Variants in PACSIN1 observed in about 807,000 individuals in gnomAD.
PACSIN1 encodes protein kinase C and casein kinase substrate in neurons 1, also known as protein kinase C and casein kinase substrate in neurons protein 1.
A neutral mutation model predicts 59.5 loss-of-function variants in PACSIN1; 15 were observed. That is an observed-to-expected ratio of 0.25 (90% confidence interval 0.17 to 0.39). PACSIN1 has a LOEUF of 0.39. Ranked by LOEUF, PACSIN1 falls within the 10% of genes least tolerant of loss-of-function variation. The probability of loss-of-function intolerance (pLI) is 1.00; values close to 1 mark genes in which losing one functional copy is unlikely to be tolerated. For missense variants in PACSIN1, 420 were observed against 580.2 expected, an observed-to-expected ratio of 0.72 and a Z score of 2.84; for synonymous variants, 210 against 220.6, an observed-to-expected ratio of 0.95 and a Z score of 0.42.
rs567713332 is a variant in PACSIN1, at chr6:34,486,092, C to T, written c.-64+19822C>T. Among the ~76,000 whole-genome samples the T allele has an allele frequency of 1.5e-4, 23 of 152,048 alleles. No homozygotes were observed. The East Asian group carries it at 4.3e-3, about 28-fold the overall frequency. ...GAAAGATTCTCATGTGAGGGAAAAC[C>T]GATCATTCAGGAGAGGGGAGAGCAC... On this transcript the variant is annotated intron_variant, in intron 1 of 9. Coordinates refer to ENST00000244458, the MANE Select transcript of PACSIN1 (RefSeq NM_020804.5).
chr6:34,532,384 C>CT lies in PACSIN1; in HGVS notation c.1226-35dup. 7.2e-7 allele frequency: 1 copy of CT among 1,392,778 alleles called. No individual in the cohort carries two copies. Among genetic ancestry groups the CT allele is most frequent in the Non-Finnish European group, 1.0e-6 (1 of 1,002,396 alleles). 86.3% of individuals were successfully genotyped at this position (1,392,778 alleles called of 1,614,324 possible). A position where few individuals can be genotyped will look rare whatever the true frequency, so the allele number is the denominator to read the frequency against. ...GCCGGTGCGTTGAGGGAGGGGCAGC[C>CT]TTCTCTCTGAGCCCCTCCCTGTGTT... On this transcript the variant is annotated intron_variant, in intron 9 of 9. Transcript: ENST00000244458. This position sits in a 1 kb window ranked among gnomAD's most constrained non-coding sequence, Gnocchi z 5.2.
At chr6:34,513,127 G>C (rs1201783017) in intron 1 of PACSIN1, among the ~76,000 whole-genome samples, 1 of 152,194 alleles carries the variant, frequency 6.6e-6, no homozygotes, top group Non-Finnish European at 1.5e-5. Flanking sequence ...TAGGTGCCTA[G>C]TCAGTGTCTG....
In PACSIN1 at chr6:34,526,272, GCTCC is replaced by G. The variant is rs1561970116; in HGVS notation, c.-33_-30del. 2 of 1,598,412 alleles carry G rather than the reference GCTCC, an allele frequency of 1.3e-6. No individual in the cohort carries two copies. Among genetic ancestry groups the G allele is most frequent in the East Asian group, 2.2e-5 (1 of 44,790 alleles). On this transcript the variant is annotated 5_prime_UTR_variant, in exon 2 of 10. Transcript: ENST00000244458. ...TGAGCAGCCGAGCCTGCTAACCGCA[GCTCC>G]GCACTTGTCCATCCCCCTGCGGCTA...
chr6:34,506,468 G>A (rs1289490973), intron 1 of PACSIN1, among the ~76,000 whole-genome samples: 1 of 152,168 alleles, frequency 6.6e-6, no homozygotes, highest in Admixed American at 6.5e-5. Flanking sequence ...TCCTGCCTTG[G>A]TCTCCTAAAG....
At chr6:34,479,482 G>A (rs1275405075) in intron 1 of PACSIN1, among the ~76,000 whole-genome samples, 2 of 152,130 alleles carry the variant, frequency 1.3e-5, no homozygotes, top group African/African-American at 4.8e-5. Context: ...TCTTGCTCAG[G>A]CTGGAGTGCA....
intron 1 of PACSIN1, among the ~76,000 whole-genome samples, chr6:34,503,958 G>A (rs1223940044): frequency 6.6e-6 from 1 of 152,176 alleles, no homozygotes; most frequent in East Asian, 1.9e-4. Flanking sequence ...AGATTTGCCT[G>A]TCCTGGATTT....
intron 1 of PACSIN1, among the ~76,000 whole-genome samples, chr6:34,492,107 T>C (rs1487059425): frequency 1.3e-5 from 2 of 152,044 alleles, no homozygotes; most frequent in South Asian, 2.1e-4. Flanking sequence ...CTGCTCTCCA[T>C]AGTGGCTGAA....
chr6:34,471,596 G>A lies in PACSIN1; in HGVS notation c.-64+5326G>A, dbSNP rs577901358. Among the ~76,000 whole-genome samples, 428 of 152,316 alleles carry A rather than the reference G, an allele frequency of 2.8e-3. 4 individuals carry two copies. Among genetic ancestry groups the A allele is most frequent in the African/African-American group, 9.7e-3 (405 of 41,572 alleles). On this transcript the variant is annotated intron_variant, in intron 1 of 9. Coordinates refer to ENST00000244458, the MANE Select transcript of PACSIN1 (RefSeq NM_020804.5). ...ATCACTAAATAGGGGTAATCCATTTGAGAAATAAAAGTCCTCCTAAGAAAG... is the reference window on the plus strand; with the variant it reads ...ATCACTAAATAGGGGTAATCCATTTAAGAAATAAAAGTCCTCCTAAGAAAG...
At chr6:34,527,697 A>C (rs979542326) in intron 3 of PACSIN1, 167 of 391,422 alleles carry the variant, frequency 4.3e-4, no homozygotes, top group African/African-American at 2.4e-3. Flanking sequence ...AAAAAAAAAA[A>C]CACTTTTTAT....
chr6:34,493,637 C>T (rs1273505039), intron 1 of PACSIN1, among the ~76,000 whole-genome samples: 1 of 152,166 alleles, frequency 6.6e-6, no homozygotes, highest in African/African-American at 2.4e-5. Flanking sequence ...TGTTGTGAAC[C>T]CTGGTGGGGA....
Position 34,534,186 on chromosome 6 carries a change from C to G in PACSIN1, c.*1656C>G, listed in dbSNP as rs1467395451. On this transcript the variant is annotated 3_prime_UTR_variant, in exon 10 of 10. Coordinates refer to ENST00000244458, the MANE Select transcript of PACSIN1 (RefSeq NM_020804.5). ...TGCTCCTGCTGCTTCTCCCAACAGCCCACTGTTAGGAGGTAGTAGACCCCA... is the reference window on the plus strand; with the variant it reads ...TGCTCCTGCTGCTTCTCCCAACAGCGCACTGTTAGGAGGTAGTAGACCCCA... 1 of 152,662 alleles carries G rather than the reference C, an allele frequency of 6.6e-6. No individual in the cohort carries two copies. Among genetic ancestry groups the G allele is most frequent in the Admixed American group, 6.5e-5 (1 of 15,290 alleles). 9.5% of individuals were successfully genotyped at this position (152,662 alleles called of 1,614,324 possible). A position where few individuals can be genotyped will look rare whatever the true frequency, so the allele number is the denominator to read the frequency against.
chr6:34,529,297 C>T lies in PACSIN1; in HGVS notation c.457-100C>T, dbSNP rs548730291. On this transcript the variant is annotated intron_variant, in intron 4 of 9. Transcript: ENST00000244458. This position sits in a 1 kb window ranked among gnomAD's most constrained non-coding sequence, Gnocchi z 6.3. ...CTTCTGGCTCTTAAGAGTGTGGGCT[C>T]ACAGGTCCCAGGGAGTGGGCAGGGG... 2.0e-5 allele frequency: 26 copies of T among 1,317,704 alleles called. No individual in the cohort carries two copies. In the African/African-American group the frequency reaches 2.5e-4, roughly 13 times the overall value. 81.6% of individuals were successfully genotyped at this position (1,317,704 alleles called of 1,614,324 possible). A position where few individuals can be genotyped will look rare whatever the true frequency, so the allele number is the denominator to read the frequency against.
At chr6:34,493,781 C>T (rs139641698) in intron 1 of PACSIN1, among the ~76,000 whole-genome samples, 2 of 152,300 alleles carry the variant, frequency 1.3e-5, no homozygotes, top group East Asian at 1.9e-4. Flanking sequence ...ATTATCAGAT[C>T]GTAACATCCT....
chr6:34,486,591 C>T (rs899646812), intron 1 of PACSIN1, among the ~76,000 whole-genome samples: 5 of 152,162 alleles, frequency 3.3e-5, no homozygotes, highest in African/African-American at 1.2e-4. Context: ...AAAAAGGTGA[C>T]GTTGCCATCG....
Position 34,516,312 on chromosome 6 carries a change from C to T in PACSIN1, c.-63-9931C>T, listed in dbSNP as rs1312403107. Reference sequence around the variant, plus strand: ...TCTGCTCATTTCTGCAAACGTTAGACGCACATTCACAGAGTGCTGGACTCA... The same window carrying T: ...TCTGCTCATTTCTGCAAACGTTAGATGCACATTCACAGAGTGCTGGACTCA... On this transcript the variant is annotated intron_variant, in intron 1 of 9. Coordinates refer to ENST00000244458, the MANE Select transcript of PACSIN1 (RefSeq NM_020804.5). This position sits in a 1 kb window ranked among gnomAD's most constrained non-coding sequence, Gnocchi z 5.4. Among the ~76,000 whole-genome samples, 18 of 152,270 alleles carry T rather than the reference C, an allele frequency of 1.2e-4. No individual in the cohort carries two copies. The highest frequency in any genetic ancestry group is 1.2e-3 in the East Asian group (6 of 5,188).
chr6:34,466,782 A>C (rs924890509), intron 1 of PACSIN1, among the ~76,000 whole-genome samples: 3 of 151,966 alleles, frequency 2.0e-5, no homozygotes, highest in African/African-American at 7.3e-5. Flanking sequence ...AGGGGGGAGG[A>C]GGCAAGAAGG....
In PACSIN1 at chr6:34,516,494, A is replaced by T. The variant is rs1767294868; in HGVS notation, c.-63-9749A>T. Among the ~76,000 whole-genome samples the T allele has an allele frequency of 6.6e-6, 1 of 152,114 alleles. No homozygotes were observed. Among genetic ancestry groups the T allele is most frequent in the South Asian group, 2.1e-4 (1 of 4,824 alleles). On this transcript the variant is annotated intron_variant, in intron 1 of 9. Transcript: ENST00000244458. This position sits in a 1 kb window ranked among gnomAD's most constrained non-coding sequence, Gnocchi z 5.4. ...TCCTTCCTGACCAGGGTGGGAGCTG[A>T]TATCTGCCCTGCCTCACCTCCTGCA... is the stretch of plus-strand genomic sequence containing the variant.
At position 34,489,342 on chromosome 6, in the gene PACSIN1, G is replaced by A. The variant is rs185765050; in HGVS notation, c.-64+23072G>A. On this transcript the variant is annotated intron_variant, in intron 1 of 9. Coordinates refer to ENST00000244458, the MANE Select transcript of PACSIN1 (RefSeq NM_020804.5). ...GTAGCAATGCTCAACAATACAGCAC[G>A]TTGTCATGAATTACAGCCACCATCC... Among the ~76,000 whole-genome samples the A allele has an allele frequency of 3.9e-3, 596 of 152,240 alleles. 4 individuals are homozygous for A. The highest frequency in any genetic ancestry group is 0.017 in the Middle Eastern group (5 of 294).
chr6:34,513,705 C>G (rs1195333507), intron 1 of PACSIN1, among the ~76,000 whole-genome samples: 1 of 151,990 alleles, frequency 6.6e-6, no homozygotes, highest in East Asian at 1.9e-4. Context: ...TAGGGGGGAT[C>G]TAGTGTGGTT....
Sources: gnomAD v4.1 joint callset for allele counts (sites outside exome capture counted in the v4.1 genomes callset) on GRCh38, gnomAD v4.1.1 for gene constraint, Gnocchi (gnomAD v3.1) non-coding constraint, MANE v1.5 for transcripts, NCBI Gene and HGNC (gene_info 2026-07-23, HGNC 2026-07-21) for gene names.